The following TRAPPC9 variants were observed in gnomAD, a reference collection of about 807,000 sequenced individuals.
TRAPPC9 encodes trafficking protein particle complex subunit 9.
A neutral mutation model predicts 124.0 loss-of-function variants in TRAPPC9; 83 were observed. That is an observed-to-expected ratio of 0.67 (90% CI 0.56 to 0.80). The LOEUF is 0.80. Among genes scored for constraint, TRAPPC9 ranks in the 30% least tolerant of loss-of-function variants. The pLI is 0.00. For synonymous variants in TRAPPC9, 638 were observed against 617.5 expected (o/e 1.03, Z -0.49); for missense variants, 1,302 against 1,508.3 (o/e 0.86, Z 2.27).
chr8:140,322,373 AC>A (rs1221892319), intron 9 of TRAPPC9, among the ~76,000 whole-genome samples: 1 of 151,826 alleles, frequency 6.6e-6, no homozygotes, highest in Non-Finnish European at 1.5e-5. Flanking sequence ...GCAATGCCCC[AC>A]CCCCCTGGTG....
Position 140,182,632 on chromosome 8 carries a change from A to T in TRAPPC9, c.2556+38827T>A, listed in dbSNP as rs1308694696. Among the ~76,000 whole-genome samples, 1 of 152,148 alleles carries T rather than the reference A, an allele frequency of 6.6e-6. No individual in the cohort carries two copies. The highest frequency in any genetic ancestry group is 1.5e-5 in the Non-Finnish European group (1 of 68,030). ...CTCTTGCTCAGAGTCTTTCCATTTC[A>T]TTCTCCAATAAAGAATATTAGGAGC... On this transcript the variant is annotated intron_variant, in intron 17 of 22. Coordinates refer to ENST00000438773, the MANE Select transcript of TRAPPC9 (RefSeq NM_001160372.4). The surrounding 1 kb of genome is among the most constrained non-coding windows in gnomAD (Gnocchi z 4.0).
intron 19 of TRAPPC9, among the ~76,000 whole-genome samples, chr8:139,957,761 C>G (rs1052961651): frequency 6.6e-6 from 1 of 152,212 alleles, no homozygotes; most frequent in African/African-American, 2.4e-5. Flanking sequence ...CACAGGACCC[C>G]CCTGTGCCAT....
chr8:140,268,857 A>G (rs766922434), intron 15 of TRAPPC9, among the ~76,000 whole-genome samples: 3 of 152,160 alleles, frequency 2.0e-5, no homozygotes, highest in Non-Finnish European at 4.4e-5. Flanking sequence ...CGGTCTCGGC[A>G]TGAACCACCG....
intron 19 of TRAPPC9, among the ~76,000 whole-genome samples, chr8:139,949,777 TAGG>T (rs1179849645): frequency 1.3e-5 from 2 of 151,916 alleles, no homozygotes; most frequent in Non-Finnish European, 2.9e-5. Context: ...GGCCAATGGG[TAGG>T]AGTTTTTGTA....
Position 140,351,196 on chromosome 8 carries a change from G to A in TRAPPC9, c.1495+8854C>T, listed in dbSNP as rs189636303. Among the ~76,000 whole-genome samples the A allele has an allele frequency of 4.2e-4, 64 of 150,740 alleles. 1 individual carries two copies. The Middle Eastern group carries it at 0.014, about 32-fold the overall frequency. ...TGAGAGACACAGGCCCACGCTAGTC[G>A]CTGACTGTGCTGCCATTCTCCCCGC... On this transcript the variant is annotated intron_variant, in intron 9 of 22. Transcript: ENST00000438773.
chr8:139,822,685 C>T (rs1207910519), intron 21 of TRAPPC9, among the ~76,000 whole-genome samples: 1 of 152,180 alleles, frequency 6.6e-6, no homozygotes, highest in African/African-American at 2.4e-5. Flanking sequence ...CTGCCAGAGG[C>T]CTGCTGAGTG....
At chr8:140,274,397 C>A (rs2065051807) in intron 15 of TRAPPC9, among the ~76,000 whole-genome samples, 1 of 152,232 alleles carries the variant, frequency 6.6e-6, no homozygotes, top group Non-Finnish European at 1.5e-5. Flanking sequence ...CGTGACCATG[C>A]ACATAAATCA....
chr8:140,032,690 A>G (rs1177694863), intron 17 of TRAPPC9, among the ~76,000 whole-genome samples: 1 of 152,242 alleles, frequency 6.6e-6, no homozygotes, highest in Non-Finnish European at 1.5e-5. Flanking sequence ...CAATGTTATA[A>G]TAAATAACCA....
At chr8:140,131,850 T>G (rs2061214137) in intron 17 of TRAPPC9, among the ~76,000 whole-genome samples, 1 of 152,204 alleles carries the variant, frequency 6.6e-6, no homozygotes, top group Admixed American at 6.5e-5. Context: ...CTTCCTAATC[T>G]GGCCTAAAGC....
chr8:140,038,600 C>T (rs573265646), intron 17 of TRAPPC9, among the ~76,000 whole-genome samples: 3 of 152,186 alleles, frequency 2.0e-5, no homozygotes, highest in African/African-American at 7.2e-5. Context: ...AGTGGCGAGA[C>T]GGAAGCAGAG....
At chr8:139,857,386 T>G (rs1415740315) in intron 21 of TRAPPC9, among the ~76,000 whole-genome samples, 3 of 152,088 alleles carry the variant, frequency 2.0e-5, no homozygotes, top group Non-Finnish European at 4.4e-5. Context: ...ACAATCTGAG[T>G]GCGATTCTCC....
intron 21 of TRAPPC9, among the ~76,000 whole-genome samples, chr8:139,750,033 C>T (rs1272144911): frequency 2.0e-5 from 3 of 152,056 alleles, no homozygotes; most frequent in Non-Finnish European, 2.9e-5. Context: ...AATCCAAGAC[C>T]GGGTGAGGAG....
intron 21 of TRAPPC9, among the ~76,000 whole-genome samples, chr8:139,822,354 C>T (rs1050095380): frequency 8.5e-5 from 13 of 152,194 alleles, no homozygotes; most frequent in African/African-American, 2.9e-4. Flanking sequence ...AAGGCATGGC[C>T]TCCCATTTGT....
chr8:140,347,534 C>A (rs779015356), intron 9 of TRAPPC9, among the ~76,000 whole-genome samples: 10 of 152,168 alleles, frequency 6.6e-5, no homozygotes, highest in Non-Finnish European at 1.2e-4. Flanking sequence ...CAACAAGAAT[C>A]CCGGGAAGTC....
At chr8:140,024,630 C>T (rs983694960) in intron 17 of TRAPPC9, among the ~76,000 whole-genome samples, 1 of 152,040 alleles carries the variant, frequency 6.6e-6, no homozygotes, top group South Asian at 2.1e-4. Context: ...CTCCTGACCT[C>T]GGGTGATCCA....
intron 17 of TRAPPC9, among the ~76,000 whole-genome samples, chr8:140,165,859 C>G (rs916398870): frequency 6.6e-6 from 1 of 152,108 alleles, no homozygotes; most frequent in African/African-American, 2.4e-5. Context: ...ATCCCTCACC[C>G]CTCACTGTAC....
At chr8:139,802,973 G>A (rs1046593188) in intron 21 of TRAPPC9, among the ~76,000 whole-genome samples, 17 of 152,064 alleles carry the variant, frequency 1.1e-4, no homozygotes, top group Admixed American at 8.5e-4. Context: ...TTGTGTGAGT[G>A]CATTGTGTGC....
At chr8:140,072,521 A>AAG (rs1306053942) in intron 17 of TRAPPC9, among the ~76,000 whole-genome samples, 3 of 142,280 alleles carry the variant, frequency 2.1e-5, no homozygotes, top group Non-Finnish European at 4.6e-5. Context: ...CCGTCTCAAA[A>AAG]AAAAAAGGAG....
At chr8:140,293,893 A>G (rs111697519) in intron 11 of TRAPPC9, among the ~76,000 whole-genome samples, 5,014 of 152,158 alleles carry the variant, frequency 0.033, 278 homozygotes, top group African/African-American at 0.11. Context: ...TTAATTAATT[A>G]ATTAATTAAT....
Sources: gnomAD v4.1 joint callset for allele counts (sites outside exome capture counted in the v4.1 genomes callset) on GRCh38, gnomAD v4.1.1 for gene constraint, Gnocchi (gnomAD v3.1) non-coding constraint, MANE v1.5 for transcripts, NCBI Gene and HGNC (gene_info 2026-07-23, HGNC 2026-07-21) for gene names.